ADGRG7: variants seen among roughly 807,000 people sequenced by gnomAD.
ADGRG7 encodes G-protein coupled receptor 128.
Under a neutral mutation model 88.6 loss-of-function variants are expected in ADGRG7, and 82 were observed. The observed-to-expected ratio is 0.93, with a 90% confidence interval of 0.77 to 1.11. The LOEUF (loss-of-function observed/expected upper bound fraction) is 1.11. Among genes scored for constraint, ADGRG7 ranks in the 50% most tolerant of loss-of-function variants. ADGRG7 has a pLI of 0.00. For missense variants in ADGRG7, 945 were observed against 953.4 expected, an observed-to-expected ratio of 0.99 and a Z score of 0.12; for synonymous variants, 381 against 345.2, an observed-to-expected ratio of 1.10 and a Z score of -1.15.
At chr3:100,635,260 TA>T (rs1245427889) in intron 4 of ADGRG7, among the ~76,000 whole-genome samples, 1 of 152,080 alleles carries the variant, frequency 6.6e-6, no homozygotes, top group African/African-American at 2.4e-5. Context: ...AAAAATGAAA[TA>T]AAAAATATGT....
chr3:100,669,756 C>T (rs957350633), intron 15 of ADGRG7, among the ~76,000 whole-genome samples: 5 of 152,016 alleles, frequency 3.3e-5, no homozygotes, highest in Non-Finnish European at 5.9e-5. Context: ...ATTGACTGGC[C>T]GGGCGTGGTG....
intron 1 of ADGRG7, among the ~76,000 whole-genome samples, chr3:100,610,287 G>A (rs1288017972): frequency 6.6e-6 from 1 of 152,122 alleles, no homozygotes; most frequent in Non-Finnish European, 1.5e-5. Flanking sequence ...AGGTCTGTTT[G>A]GCTAAATTCA....
At chr3:100,626,646 A>G (rs555369073) in intron 1 of ADGRG7, among the ~76,000 whole-genome samples, 215 of 152,266 alleles carry the variant, frequency 1.4e-3, no homozygotes, top group African/African-American at 4.9e-3. Context: ...TTAGCTGGGC[A>G]TGGTGGCATG....
intron 14 of ADGRG7, among the ~76,000 whole-genome samples, chr3:100,660,893 G>C (rs994176158): frequency 5.3e-5 from 8 of 151,544 alleles, no homozygotes; most frequent in African/African-American, 1.9e-4. Flanking sequence ...TGGAGGTTGT[G>C]GTGAGCTGAG....
Position 100,635,709 on chromosome 3 carries a change from T to C in ADGRG7, c.480T>C (p.Ile160=). 1 of 1,614,006 alleles carries C rather than the reference T, an allele frequency of 6.2e-7. No individual in the cohort carries two copies. The highest frequency in any genetic ancestry group is 1.1e-5 in the South Asian group (1 of 91,048). ...VKDVTAPLNN[I]SSEVQILTSD... is the part of the protein sequence containing the mutation. The stretch of plus-strand genomic sequence containing the variant: ...ATGTCACAGCACCACTTAATAACAT[T>C]TCTTCTGAAGTCCAGATTTTAACAT... Residue 160 remains isoleucine (I), a synonymous_variant, in exon 5 of 16, where the codon ATT becomes ATC. Transcript: ENST00000273352.
At chr3:100,619,359 C>T (rs1430382251) in intron 1 of ADGRG7, among the ~76,000 whole-genome samples, 2 of 152,120 alleles carry the variant, frequency 1.3e-5, no homozygotes, top group Non-Finnish European at 2.9e-5. Context: ...TTGAAACCAA[C>T]AAGAACAAAG....
At chr3:100,631,127 A>G (rs908920701) in intron 3 of ADGRG7, among the ~76,000 whole-genome samples, 1 of 152,146 alleles carries the variant, frequency 6.6e-6, no homozygotes, top group Non-Finnish European at 1.5e-5. Flanking sequence ...TATAATTAAA[A>G]AAAAAGTTCT....
At chr3:100,690,096 C>G (rs904581458) in intron 15 of ADGRG7, among the ~76,000 whole-genome samples, 2 of 152,186 alleles carry the variant, frequency 1.3e-5, no homozygotes, top group Non-Finnish European at 2.9e-5. Flanking sequence ...TTTCTCTAAA[C>G]TTCCCGTCTC....
intron 8 of ADGRG7, among the ~76,000 whole-genome samples, chr3:100,644,008 G>C (rs1487052089): frequency 6.6e-6 from 1 of 152,146 alleles, no homozygotes; most frequent in Non-Finnish European, 1.5e-5. Flanking sequence ...CTCAGGCTCA[G>C]ATGCATCCTG....
chr3:100,668,331 A>G (rs1012570197), intron 14 of ADGRG7, among the ~76,000 whole-genome samples: 2 of 152,178 alleles, frequency 1.3e-5, no homozygotes, highest in Non-Finnish European at 2.9e-5. Flanking sequence ...TCTGCTCCAC[A>G]TAGTCTCTCA....
chr3:100,612,495 A>G (rs1213000787), intron 1 of ADGRG7, among the ~76,000 whole-genome samples: 1 of 152,214 alleles, frequency 6.6e-6, no homozygotes, highest in African/African-American at 2.4e-5. Context: ...TTGATGATGA[A>G]AGTAAAATGA....
intron 1 of ADGRG7, among the ~76,000 whole-genome samples, chr3:100,610,186 T>G (rs1366494069): frequency 6.6e-6 from 1 of 151,914 alleles, no homozygotes; most frequent in Non-Finnish European, 1.5e-5. Context: ...GGGGGAAGAG[T>G]GACATAATTG....
At chr3:100,616,220 A>G (rs1318744938) in intron 1 of ADGRG7, among the ~76,000 whole-genome samples, 1 of 152,182 alleles carries the variant, frequency 6.6e-6, no homozygotes, top group East Asian at 1.9e-4. Flanking sequence ...GAAGAATAAT[A>G]AATAAGACAA....
intron 1 of ADGRG7, among the ~76,000 whole-genome samples, chr3:100,621,014 A>C (rs1707304416): frequency 6.6e-6 from 1 of 152,094 alleles, no homozygotes; most frequent in African/African-American, 2.4e-5. Context: ...TGTGATCATG[A>C]TCTTTGATGT....
chr3:100,611,341 C>T (rs530680037), intron 1 of ADGRG7, among the ~76,000 whole-genome samples: 2 of 145,070 alleles, frequency 1.4e-5, no homozygotes, highest in East Asian at 2.1e-4. Flanking sequence ...CCTTCCTTCC[C>T]CCCGTTCCTT....
intron 14 of ADGRG7, among the ~76,000 whole-genome samples, chr3:100,667,227 A>G (rs536137183): frequency 3.8e-4 from 58 of 152,150 alleles, no homozygotes; most frequent in African/African-American, 1.3e-3. Flanking sequence ...CATGTGCAGA[A>G]TGGGAGGTTT....
intron 5 of ADGRG7, 112 bp downstream of exon 5, chr3:100,635,938 CAT>C: frequency 2.4e-6 from 2 of 825,852 alleles, no homozygotes; most frequent in Non-Finnish European, 3.7e-6. Flanking sequence ...ATGGTTTGAG[CAT>C]GGTTTAAGTT....
At chr3:100,650,103 G>C (rs1460044662) in intron 11 of ADGRG7, among the ~76,000 whole-genome samples, 1 of 152,176 alleles carries the variant, frequency 6.6e-6, no homozygotes, top group Non-Finnish European at 1.5e-5. Flanking sequence ...GTGTTGAATA[G>C]AACCATGCCT....
rs183194191 is a variant in ADGRG7 at position 100,618,274 on chromosome 3, G to A, written c.115+8303G>A. On this transcript the variant is annotated intron_variant, in intron 1 of 15. Coordinates refer to ENST00000273352, the MANE Select transcript of ADGRG7 (RefSeq NM_032787.3). ...TGCTGCCATTGCTTTTGGTGTTTTC[G>A]ACATGAAGTCCTTGCCCATGCCTAT... is the stretch of plus-strand genomic sequence containing the variant. 2.2e-4 allele frequency among the ~76,000 whole-genome samples: 34 copies of A among 152,188 alleles called. No individual in the cohort carries two copies. The East Asian group carries it at 5.8e-3, about 26-fold the overall frequency.
Sources: allele counts gnomAD v4.1 joint callset (sites outside exome capture counted in the v4.1 genomes callset), GRCh38; gene constraint gnomAD v4.1.1; transcripts MANE v1.5; gene names NCBI Gene and HGNC (gene_info 2026-07-23, HGNC 2026-07-21).